The following MITF variants were observed in gnomAD, a reference collection of about 807,000 sequenced individuals.
MITF encodes microphthalmia-associated transcription factor.
Under a neutral mutation model 60.5 loss-of-function variants are expected in MITF, and 17 were observed. The observed-to-expected ratio is 0.28, with a 90% confidence interval of 0.19 to 0.42. MITF has a LOEUF of 0.42. MITF is among the 10% of genes least tolerant of loss of function. The probability of loss-of-function intolerance (pLI) is 1.00; values close to 1 mark genes in which losing one functional copy is unlikely to be tolerated. For synonymous variants in MITF, 260 were observed against 248.5 expected (o/e 1.05, Z -0.43); for missense variants, 622 against 683.5 (o/e 0.91, Z 1.00).
At position 69,966,119 on chromosome 3, in the gene MITF, A is replaced by C. The variant is rs1559758344; in HGVS notation, c.*871A>C. 3 of 232,636 alleles carry C rather than the reference A, an allele frequency of 1.3e-5. No homozygotes were observed. Among genetic ancestry groups the C allele is most frequent in the Non-Finnish European group, 2.6e-5 (3 of 117,576 alleles). The allele number at this position is 232,636 out of a possible 1,614,324, so 14.4% of individuals were successfully genotyped here. On this transcript the variant is annotated 3_prime_UTR_variant, in exon 10 of 10. Transcript: ENST00000352241. The stretch of plus-strand genomic sequence containing the variant: ...AGAAAACCGAACTGGGCATATTTCT[A>C]ATTGGCTTTACTATTTTTATTTTTA...
chr3:69,896,403 AT>A (rs2064877046), intron 2 of MITF, among the ~76,000 whole-genome samples: 1 of 152,160 alleles, frequency 6.6e-6, no homozygotes, highest in African/African-American at 2.4e-5. Flanking sequence ...TCAGATTTTA[AT>A]TTTTTGAAAA....
intron 1 of MITF, among the ~76,000 whole-genome samples, chr3:69,786,707 C>T (rs962567762): frequency 3.9e-5 from 6 of 151,984 alleles, no homozygotes; most frequent in Admixed American, 3.9e-4. Flanking sequence ...CCTTTTGAAG[C>T]CCAGTTATCT....
chr3:69,943,057 A>G (rs569861257), intron 5 of MITF, among the ~76,000 whole-genome samples: 2 of 148,708 alleles, frequency 1.3e-5, no homozygotes, highest in East Asian at 3.9e-4. Context: ...CTAGTACTCA[A>G]TGCATTAGCC....
chr3:69,759,058 G>C (rs955654220), intron 1 of MITF, among the ~76,000 whole-genome samples: 1 of 152,134 alleles, frequency 6.6e-6, no homozygotes, highest in Non-Finnish European at 1.5e-5. Flanking sequence ...CATTATTTTT[G>C]TTTTATAAAG....
rs2066179871 is a variant in MITF at position 69,949,244 on chromosome 3, G to T, written c.880+76G>T. On this transcript the variant is annotated intron_variant, in intron 6 of 9. Coordinates refer to ENST00000352241, the MANE Select transcript of MITF (RefSeq NM_001354604.2). Reference sequence around the variant, plus strand: ...GATAAGACAAAGTTATTGATATAGTGATGTGCAAACTATATCCAACTCATG... The same window carrying T: ...GATAAGACAAAGTTATTGATATAGTTATGTGCAAACTATATCCAACTCATG... 20 of 1,125,910 alleles carry T rather than the reference G, an allele frequency of 1.8e-5. No homozygotes were observed. The Admixed American group carries it at 3.2e-4, about 18-fold the overall frequency. The allele number at this position is 1,125,910 out of a possible 1,614,324, so 69.7% of individuals were successfully genotyped here.
chr3:69,775,220 G>A (rs1377540825), intron 1 of MITF, among the ~76,000 whole-genome samples: 1 of 152,176 alleles, frequency 6.6e-6, no homozygotes. Context: ...AAAGGGCCAA[G>A]GAGCACAGCT....
intron 5 of MITF, among the ~76,000 whole-genome samples, chr3:69,946,443 A>T (rs1427060549): frequency 6.6e-6 from 1 of 151,932 alleles, no homozygotes; most frequent in African/African-American, 2.4e-5. Flanking sequence ...TACTCTCCCC[A>T]CCCCCAGTTC....
chr3:69,794,517 T>C (rs1231718825), intron 1 of MITF, among the ~76,000 whole-genome samples: 1 of 152,176 alleles, frequency 6.6e-6, no homozygotes, highest in East Asian at 1.9e-4. Context: ...AATGGCAAGG[T>C]AAGATGCTGG....
chr3:69,873,182 C>T (rs1024943592), intron 1 of MITF, among the ~76,000 whole-genome samples: 1 of 152,110 alleles, frequency 6.6e-6, no homozygotes, highest in Non-Finnish European at 1.5e-5. Context: ...GGTACTTTCA[C>T]ATTTACATGG....
chr3:69,838,712 C>T (rs1478146514), intron 1 of MITF: 1 of 152,594 alleles, frequency 6.6e-6, no homozygotes, highest in African/African-American at 2.4e-5. Context: ...GCATTAGATT[C>T]TGTAAATCAA....
At chr3:69,859,690 G>A (rs1007781426) in intron 1 of MITF, among the ~76,000 whole-genome samples, 2 of 152,032 alleles carry the variant, frequency 1.3e-5, no homozygotes, top group Non-Finnish European at 2.9e-5. Flanking sequence ...GAAGATGATG[G>A]TGATGCACTC....
intron 3 of MITF, chr3:69,938,291 A>G (rs2065891464): frequency 2.1e-6 from 3 of 1,439,326 alleles, no homozygotes; most frequent in South Asian, 1.2e-5. Flanking sequence ...AGGCGAGGAC[A>G]CTTTTGCCAC....
intron 1 of MITF, among the ~76,000 whole-genome samples, chr3:69,784,954 G>C (rs2062624072): frequency 6.6e-6 from 1 of 152,096 alleles, no homozygotes; most frequent in Admixed American, 6.5e-5. Context: ...GGAGAGACTG[G>C]CGTGGACTGT....
intron 2 of MITF, among the ~76,000 whole-genome samples, chr3:69,886,311 A>G (rs1010603251): frequency 1.3e-5 from 2 of 152,098 alleles, no homozygotes; most frequent in African/African-American, 4.8e-5. Context: ...CCTCCTTGAC[A>G]ACGTGGATAT....
chr3:69,840,181 G>T (rs540850139), intron 1 of MITF, among the ~76,000 whole-genome samples: 7 of 152,266 alleles, frequency 4.6e-5, no homozygotes, highest in Admixed American at 4.6e-4. Flanking sequence ...TTGCAAGGGT[G>T]GTCATCTGTC....
At chr3:69,930,392 T>G (rs1469169060) in intron 2 of MITF, among the ~76,000 whole-genome samples, 1 of 152,186 alleles carries the variant, frequency 6.6e-6, no homozygotes. Context: ...GAAAGCCAAG[T>G]AAATAACATG....
chr3:69,968,132 C>T lies in MITF; in HGVS notation c.*2884C>T, dbSNP rs566210934. On this transcript the variant is annotated 3_prime_UTR_variant, in exon 10 of 10. Coordinates refer to ENST00000352241, the MANE Select transcript of MITF (RefSeq NM_001354604.2). ...TGATGTCAATAACAGTATAAAACAG[C>T]CCTATTTCTTGATAAAAAATGACAA... 1 of 233,216 alleles carries T rather than the reference C, an allele frequency of 4.3e-6. No individual in the cohort carries two copies. Among genetic ancestry groups the T allele is most frequent in the East Asian group, 6.1e-5 (1 of 16,492 alleles). 14.4% of individuals were successfully genotyped at this position (233,216 alleles called of 1,614,324 possible).
At chr3:69,848,080 C>T (rs990562939) in intron 1 of MITF, among the ~76,000 whole-genome samples, 1 of 151,964 alleles carries the variant, frequency 6.6e-6, no homozygotes, top group South Asian at 2.1e-4. Context: ...TCAGTTGTTA[C>T]GATGCTCTTG....
intron 2 of MITF, among the ~76,000 whole-genome samples, chr3:69,915,359 T>G (rs2065310704): frequency 6.6e-6 from 1 of 152,120 alleles, no homozygotes; most frequent in South Asian, 2.1e-4. Flanking sequence ...ATAGATTTCC[T>G]TTAAACACAA....
Sources: gnomAD v4.1 joint callset for allele counts (sites outside exome capture counted in the v4.1 genomes callset) on GRCh38, gnomAD v4.1.1 for gene constraint, MANE v1.5 for transcripts, NCBI Gene and HGNC (gene_info 2026-07-23, HGNC 2026-07-21) for gene names.